C6orf89: variants seen among roughly 807,000 people sequenced by gnomAD.
The protein encoded by C6orf89 is chromosome 6 open reading frame 89.
A neutral mutation model predicts 40.7 loss-of-function variants in C6orf89; 29 were observed. The observed-to-expected ratio is 0.71, with a 90% CI of 0.53 to 0.97. The LOEUF (loss-of-function observed/expected upper bound fraction) is 0.97, where lower values mean the gene tolerates loss of function less well. Among genes scored for constraint, C6orf89 ranks in the 50% least tolerant of loss-of-function variants. The pLI is 0.00. For synonymous variants in C6orf89, 165 were observed against 152.2 expected (o/e 1.08, Z -0.62); for missense variants, 392 against 429.1 (o/e 0.91, Z 0.76).
chr6:36,910,741 A>AT (rs1762097874), intron 4 of C6orf89, among the ~76,000 whole-genome samples: 1 of 151,448 alleles, frequency 6.6e-6, no homozygotes, highest in Non-Finnish European at 1.5e-5. Context: ...AAAAAAAAAA[A>AT]GGCTGGTCTC....
chr6:36,887,806 ACTC>A (rs1775052055), intron 1 of C6orf89, among the ~76,000 whole-genome samples: 1 of 152,022 alleles, frequency 6.6e-6, no homozygotes, highest in African/African-American at 2.4e-5. Context: ...GCAGCCTCGA[ACTC>A]CTGGGCTCAA....
rs187197685 is a variant in C6orf89, at chr6:36,901,922, C to T, written c.190-299C>T. 5.8e-3 allele frequency among the ~76,000 whole-genome samples: 885 copies of T among 152,168 alleles called. 7 individuals are homozygous for T. Among genetic ancestry groups the T allele is most frequent in the African/African-American group, 0.019 (799 of 41,524 alleles). On this transcript the variant is annotated intron_variant, in intron 3 of 8. Transcript: ENST00000480824. ...TCCTGACCTCATGATCTGCCCGCCT[C>T]GGCCTCCCAAAGTGCTGGGATTACA...
In C6orf89 at chr6:36,914,544, C is replaced by T; in HGVS notation, c.556-10C>T. On this transcript the variant is annotated splice_polypyrimidine_tract_variant and intron_variant, in intron 5 of 8. Coordinates refer to ENST00000480824, the MANE Select transcript of C6orf89 (RefSeq NM_001286635.2). ...CTGTGTTGTTTTGTTTTGTTTCCTG[C>T]CTTGCCAAGACGGGAAAGCCCCTGT... is the stretch of plus-strand genomic sequence containing the variant. 6.2e-7 allele frequency: 1 copy of T among 1,613,790 alleles called. No homozygotes were observed. Among genetic ancestry groups the T allele is most frequent in the South Asian group, 1.1e-5 (1 of 91,086 alleles).
intron 2 of C6orf89, 84 bp from the exon 3 acceptor site, chr6:36,899,342 A>G: frequency 1.6e-6 from 2 of 1,272,708 alleles, no homozygotes; most frequent in Non-Finnish European, 2.3e-6. Flanking sequence ...GTCCTTCTCT[A>G]CAGATGGTCA....
chr6:36,918,498 G>GC (rs1762401684), intron 7 of C6orf89, among the ~76,000 whole-genome samples: 1 of 152,212 alleles, frequency 6.6e-6, no homozygotes, highest in Non-Finnish European at 1.5e-5. Context: ...AACATTATGG[G>GC]CAAGGCCTGT....
chr6:36,874,841 C>T, intron 1 of C6orf89: 1 of 1,539,672 alleles, frequency 6.5e-7, no homozygotes. Flanking sequence ...GGGGACCCGT[C>T]GCTGCTGCAC....
At chr6:36,920,145 G>A (rs987644461) in intron 8 of C6orf89, among the ~76,000 whole-genome samples, 4 of 152,094 alleles carry the variant, frequency 2.6e-5, no homozygotes, top group Non-Finnish European at 1.5e-5. Flanking sequence ...TACCCATTTT[G>A]CAAATAAAAC....
Position 36,907,236 on chromosome 6 carries a change from C to G in C6orf89, c.403+4802C>G, listed in dbSNP as rs1418629176. ...TTTGTTCTTTTCTTTCTTCCCTATC[C>G]TTTTTATCCAGAGGGAGTTTTTTGT... is the stretch of plus-strand genomic sequence containing the variant. On this transcript the variant is annotated intron_variant, in intron 4 of 8. Coordinates refer to ENST00000480824, the MANE Select transcript of C6orf89 (RefSeq NM_001286635.2). 3.6e-4 allele frequency among the ~76,000 whole-genome samples: 55 copies of G among 152,116 alleles called. 1 individual carries two copies. The highest frequency in any genetic ancestry group is 2.9e-5 in the Non-Finnish European group (2 of 68,022).
In C6orf89 at chr6:36,924,931, C is replaced by G. The variant is rs568774037; in HGVS notation, c.*1490C>G. 1 of 152,242 alleles carries G rather than the reference C, an allele frequency of 6.6e-6. No individual in the cohort carries two copies. The highest frequency in any genetic ancestry group is 2.1e-4 in the South Asian group (1 of 4,822). The allele number at this position is 152,242 out of a possible 1,614,324, so 9.4% of individuals were successfully genotyped here. On this transcript the variant is annotated 3_prime_UTR_variant, in exon 9 of 9. Transcript: ENST00000480824. ...GGGTCTCATGAACAGCAGTGGGGAC[C>G]ATTGAGCACTTGAATGGCCTGTTTG...
intron 2 of C6orf89, among the ~76,000 whole-genome samples, chr6:36,898,281 TTC>T (rs144555639): frequency 0.18 from 25,026 of 138,148 alleles, 2,435 homozygotes; most frequent in East Asian, 0.27. Context: ...TTCTTTTCTT[TTC>T]TTTTTTTTTT....
chr6:36,912,036 A>G (rs1762147959), intron 4 of C6orf89, among the ~76,000 whole-genome samples: 1 of 151,630 alleles, frequency 6.6e-6, no homozygotes, highest in Non-Finnish European at 1.5e-5. Context: ...ACAATCCAGA[A>G]TAATCTTCCT....
In C6orf89 at chr6:36,872,664, G is replaced by A. The variant is rs371863590; in HGVS notation, c.-628+697G>A. On this transcript the variant is annotated intron_variant, in intron 1 of 9. Coordinates refer to the C6orf89 transcript ENST00000359359. ...CCTCTGTCACCCAGGTTACAGTGCA[G>A]TGGCACAATCTCAGCTTATCGCAAC... is the stretch of plus-strand genomic sequence containing the variant. Among the ~76,000 whole-genome samples, 4 of 152,128 alleles carry A rather than the reference G, an allele frequency of 2.6e-5. No homozygotes were observed. In the East Asian group the frequency reaches 5.8e-4, roughly 22 times the overall value.
intron 1 of C6orf89, among the ~76,000 whole-genome samples, chr6:36,876,205 A>C (rs1040883137): frequency 1.4e-4 from 22 of 152,098 alleles, no homozygotes; most frequent in African/African-American, 5.3e-4. Context: ...CTCGGGAGTC[A>C]TGTGCCATTC....
chr6:36,914,997 TG>T (rs562122210), intron 6 of C6orf89, among the ~76,000 whole-genome samples: 118 of 151,460 alleles, frequency 7.8e-4, no homozygotes, highest in Non-Finnish European at 2.9e-4. Context: ...CTCAAAAAAA[TG>T]GGGGGGCTAT....
upstream of C6orf89, chr6:36,885,781 C>G (rs1019986980): frequency 1.0e-5 from 4 of 383,878 alleles, no homozygotes; most frequent in African/African-American, 8.3e-5. Context: ...AAGAAGGACG[C>G]CAGGGGGAGC....
rs1478360728 is a variant in C6orf89 at position 36,899,625 on chromosome 6, G to A, written c.181G>A (p.Val61Met). 1.2e-6 allele frequency: 2 copies of A among 1,613,710 alleles called. No individual in the cohort carries two copies. The highest frequency in any genetic ancestry group is 1.3e-5 in the African/African-American group (1 of 74,888). ...CCCGCAGTATCCTCTCCTTATAGTT[G>A]TGTATAAGGTAAAATGTTTCCTGAG... ...PPPQYPLLIV[V>M]YKVLATLGLI... is the part of the protein sequence containing the mutation. Residue 61 changes from valine (V) to methionine (M), a missense_variant, in exon 3 of 9, where the codon GTG becomes ATG. Val to Met is a conservative substitution (Grantham distance 21, BLOSUM62 1). Coordinates refer to ENST00000480824, the MANE Select transcript of C6orf89 (RefSeq NM_001286635.2).
chr6:36,885,148 T>C (rs144049903), upstream of C6orf89, among the ~76,000 whole-genome samples: 62 of 152,342 alleles, frequency 4.1e-4, no homozygotes, highest in African/African-American at 1.4e-3. Context: ...CATAGCTTAA[T>C]AGTCAAACAA....
rs1364361555 is a variant in C6orf89 at position 36,914,349 on chromosome 6, A to T, written c.469A>T (p.Thr157Ser). Residue 157 changes from threonine (T) to serine (S), a missense_variant, in exon 5 of 9, where the codon ACT becomes TCT. Transcript: ENST00000480824. ...GTCAGAGCCCATTCCTGCCAACTGC[A>T]CTGGCTGTGCCCAGAAACACCTGAA... Reference protein sequence around the residue: ...NESEPIPANCTGCAQKHLKVM... With the variant: ...NESEPIPANCSGCAQKHLKVM... 1 of 1,614,156 alleles carries T rather than the reference A, an allele frequency of 6.2e-7. No homozygotes were observed. Among genetic ancestry groups the T allele is most frequent in the Non-Finnish European group, 8.5e-7 (1 of 1,180,026 alleles).
At chr6:36,883,511 G>A (rs1345334676), upstream of C6orf89, among the ~76,000 whole-genome samples, 1 of 152,074 alleles carries the variant, frequency 6.6e-6, no homozygotes, top group East Asian at 1.9e-4. Flanking sequence ...ATTAAAAGTG[G>A]GTCTATTATA....
Sources: gnomAD v4.1 joint callset for allele counts (sites outside exome capture counted in the v4.1 genomes callset) on GRCh38, gnomAD v4.1.1 for gene constraint, MANE v1.5 for transcripts, NCBI Gene and HGNC (gene_info 2026-07-23, HGNC 2026-07-21) for gene names.